DLGAP1: variants seen among roughly 807,000 people sequenced by gnomAD.
The protein encoded by DLGAP1 is disks large-associated protein 1.
DLGAP1 carries 11 observed loss-of-function variants against 90.8 expected under a neutral mutation model. That is an observed-to-expected ratio of 0.12 (90% CI 0.08 to 0.20). The LOEUF is 0.20. DLGAP1 is among the 10% of genes least tolerant of loss of function. The pLI is 1.00. For missense variants in DLGAP1, 1,050 were observed against 1,333.8 expected (o/e 0.79, Z 3.31); for synonymous variants, 558 against 540.7 (o/e 1.03, Z -0.44).
chr18:3,528,784 G>T (rs2051809594), intron 10 of DLGAP1, among the ~76,000 whole-genome samples: 1 of 152,154 alleles, frequency 6.6e-6, no homozygotes, highest in African/African-American at 2.4e-5. Context: ...TGTCCTGGGC[G>T]CAGGGTTTGC....
intron 9 of DLGAP1, among the ~76,000 whole-genome samples, chr18:3,555,452 G>A (rs753558077): frequency 3.9e-5 from 6 of 152,076 alleles, no homozygotes; most frequent in Admixed American, 1.3e-4. Flanking sequence ...AAAATGGCTC[G>A]TATAAAGTTT....
At chr18:3,512,320 G>A (rs1473144545) in intron 10 of DLGAP1, among the ~76,000 whole-genome samples, 1 of 152,154 alleles carries the variant, frequency 6.6e-6, no homozygotes, top group African/African-American at 2.4e-5. Context: ...CTGATGGTGA[G>A]GCTTATAGAC....
chr18:3,843,899 G>C (rs2148650045), intron 4 of DLGAP1, among the ~76,000 whole-genome samples: 1 of 152,200 alleles, frequency 6.6e-6, no homozygotes, highest in East Asian at 1.9e-4. Context: ...GTGAACCATC[G>C]ACGATATTTT....
intron 7 of DLGAP1, among the ~76,000 whole-genome samples, chr18:3,637,944 C>CTTTTT (rs56346479): frequency 6.4e-5 from 7 of 109,416 alleles, no homozygotes; most frequent in East Asian, 3.2e-4. Context: ...TGCTAGGTAG[C>CTTTTT]TTTTTTTTTT....
intron 1 of DLGAP1, chr18:4,293,549 A>G (rs1188310728): frequency 6.6e-6 from 1 of 152,230 alleles, no homozygotes; most frequent in Non-Finnish European, 1.5e-5. Flanking sequence ...ACAGGATACC[A>G]TGTTCTTGAG....
chr18:4,029,114 T>C (rs2074751482), intron 2 of DLGAP1, among the ~76,000 whole-genome samples: 1 of 152,234 alleles, frequency 6.6e-6, no homozygotes, highest in African/African-American at 2.4e-5. Context: ...GTAGTATTTG[T>C]CTTTCTATGC....
chr18:3,537,829 G>A (rs989984543), intron 9 of DLGAP1, among the ~76,000 whole-genome samples: 1 of 152,174 alleles, frequency 6.6e-6, no homozygotes, highest in African/African-American at 2.4e-5. Context: ...GTTTTTGAAT[G>A]TGTGAGGTGG....
At position 3,742,524 on chromosome 18, in the gene DLGAP1, CA is replaced by C. The variant is rs770821530; in HGVS notation, c.1173-13del. On this transcript the variant is annotated splice_polypyrimidine_tract_variant and intron_variant, in intron 5 of 12. Coordinates refer to ENST00000315677, the MANE Select transcript of DLGAP1 (RefSeq NM_004746.4). ...GTTCATTGGAGATTCTGGAAGGGAA[CA>C]ATGGAAGAGGTGCATTAGTCACATT... 6.2e-7 allele frequency: 1 copy of C among 1,613,680 alleles called. No homozygotes were observed. Among genetic ancestry groups the C allele is most frequent in the East Asian group, 2.2e-5 (1 of 44,870 alleles).
intron 7 of DLGAP1, among the ~76,000 whole-genome samples, chr18:3,696,192 T>C (rs956796765): frequency 5.9e-5 from 9 of 152,198 alleles, no homozygotes; most frequent in Non-Finnish European, 1.3e-4. Flanking sequence ...CTTTATTTCT[T>C]TCTCTTGCCT....
At chr18:4,132,198 A>C (rs1457095670) in intron 2 of DLGAP1, among the ~76,000 whole-genome samples, 2 of 152,170 alleles carry the variant, frequency 1.3e-5, no homozygotes, top group Non-Finnish European at 2.9e-5. Context: ...TGCTTTAGAC[A>C]ATTCATTCTT....
chr18:4,300,448 G>A (rs572176994), intron 1 of DLGAP1, among the ~76,000 whole-genome samples: 1 of 152,008 alleles, frequency 6.6e-6, no homozygotes, highest in African/African-American at 2.4e-5. Context: ...CCTATGTACA[G>A]ATACACCTAC....
intron 9 of DLGAP1, among the ~76,000 whole-genome samples, chr18:3,561,944 G>A (rs1241768416): frequency 1.3e-5 from 2 of 150,630 alleles, no homozygotes; most frequent in Non-Finnish European, 2.9e-5. Context: ...AGGAGAAGAG[G>A]GTAACCGGGC....
At chr18:4,234,634 CAAT>C (rs1214262766) in intron 1 of DLGAP1, among the ~76,000 whole-genome samples, 3 of 152,008 alleles carry the variant, frequency 2.0e-5, no homozygotes, top group Non-Finnish European at 4.4e-5. Context: ...ATTATAAAAA[CAAT>C]AACACTTCTT....
intron 7 of DLGAP1, among the ~76,000 whole-genome samples, chr18:3,659,654 C>G (rs2059619907): frequency 6.6e-6 from 1 of 152,016 alleles, no homozygotes; most frequent in Non-Finnish European, 1.5e-5. Flanking sequence ...CAACCTCCGC[C>G]TCCCAGCTTC....
At chr18:3,620,594 G>A (rs147321080) in intron 7 of DLGAP1, among the ~76,000 whole-genome samples, 1 of 152,106 alleles carries the variant, frequency 6.6e-6, no homozygotes, top group African/African-American at 2.4e-5. Flanking sequence ...TTTCACTCTT[G>A]TCGCTCAGGC....
intron 3 of DLGAP1, among the ~76,000 whole-genome samples, chr18:3,972,328 A>G (rs1158720067): frequency 6.6e-6 from 1 of 152,176 alleles, no homozygotes; most frequent in African/African-American, 2.4e-5. Context: ...CCTGGGCAAC[A>G]TGGCAAAATT....
At chr18:3,772,130 TTTTCTTTCTCTCCTTCCTTCCTTCCC>T (rs1456154615) in intron 5 of DLGAP1, among the ~76,000 whole-genome samples, 2 of 151,486 alleles carry the variant, frequency 1.3e-5, no homozygotes, top group Non-Finnish European at 2.9e-5. Flanking sequence ...CTTTCTTTTC[TTTTCTTTCTCTCCTTCCTTCCTTCCC>T]TTTCTTTCTC....
At chr18:3,581,230 C>T (rs1420943119) in intron 8 of DLGAP1, among the ~76,000 whole-genome samples, 3 of 152,208 alleles carry the variant, frequency 2.0e-5, no homozygotes, top group African/African-American at 7.2e-5. Flanking sequence ...GACACAGTCC[C>T]TCTGGGAGAG....
intron 7 of DLGAP1, among the ~76,000 whole-genome samples, chr18:3,705,872 T>A (rs1352823583): frequency 2.6e-5 from 4 of 152,040 alleles, no homozygotes; most frequent in African/African-American, 9.7e-5. Flanking sequence ...TTGGCCAGGC[T>A]GGTCTCGAAC....
Sources: gnomAD v4.1 joint callset for allele counts (sites outside exome capture counted in the v4.1 genomes callset) on GRCh38, gnomAD v4.1.1 for gene constraint, MANE v1.5 for transcripts, NCBI Gene and HGNC (gene_info 2026-07-23, HGNC 2026-07-21) for gene names.